The following EPHA3 variants were observed in gnomAD, a reference collection of about 807,000 sequenced individuals.
EPHA3 encodes ephrin type-A receptor 3.
A neutral mutation model predicts 107.1 loss-of-function variants in EPHA3; 42 were observed. That is an observed-to-expected ratio of 0.39 (90% CI 0.31 to 0.51). EPHA3 has a LOEUF of 0.51. Among genes scored for constraint, EPHA3 ranks in the 20% least tolerant of loss-of-function variants. EPHA3 has a pLI of 0.78. For synonymous variants in EPHA3, 461 were observed against 424.8 expected, an observed-to-expected ratio of 1.09 and a Z score of -1.05; for missense variants, 1,183 against 1,211.2, an observed-to-expected ratio of 0.98 and a Z score of 0.35.
chr3:89,142,343 T>A (rs9868838), intron 2 of EPHA3, among the ~76,000 whole-genome samples: 1 of 150,942 alleles, frequency 6.6e-6, no homozygotes, highest in African/African-American at 2.4e-5. Context: ...GGGAGAGGAG[T>A]TATTGTTTAA....
intron 5 of EPHA3, among the ~76,000 whole-genome samples, chr3:89,345,513 A>AC (rs908848599): frequency 4.3e-4 from 65 of 149,432 alleles, no homozygotes; most frequent in African/African-American, 1.4e-3. Context: ...TATCCGTCCC[A>AC]CCCCCATCTC....
At chr3:89,117,700 T>C (rs541344689) in intron 1 of EPHA3, among the ~76,000 whole-genome samples, 1 of 152,174 alleles carries the variant, frequency 6.6e-6, no homozygotes, top group South Asian at 2.1e-4. Flanking sequence ...TTTGACCTCA[T>C]TATGGCATAA....
chr3:89,267,613 A>G (rs1268271076), intron 3 of EPHA3, among the ~76,000 whole-genome samples: 2 of 152,158 alleles, frequency 1.3e-5, no homozygotes, highest in Admixed American at 6.6e-5. Context: ...CATTAAAGGT[A>G]ACGTCTTGGC....
intron 5 of EPHA3, 79 bp downstream of exon 5, chr3:89,342,169 C>T (rs767423508): frequency 3.8e-5 from 50 of 1,316,508 alleles, no homozygotes; most frequent in African/African-American, 1.8e-4. Context: ...GAAAACTGGG[C>T]GGAAGGAAAA....
chr3:89,187,283 A>G (rs1705589536), intron 2 of EPHA3, among the ~76,000 whole-genome samples: 2 of 149,096 alleles, frequency 1.3e-5, no homozygotes, highest in African/African-American at 4.9e-5. Context: ...AATGTATTTA[A>G]TATATGAGTC....
chr3:89,470,739 G>A (rs886365922), intron 15 of EPHA3, among the ~76,000 whole-genome samples: 1 of 152,208 alleles, frequency 6.6e-6, no homozygotes, highest in African/African-American at 2.4e-5. Context: ...ATGGCACAGT[G>A]TACCAGTCAA....
intron 11 of EPHA3, among the ~76,000 whole-genome samples, chr3:89,428,039 T>C (rs1219029320): frequency 1.3e-5 from 2 of 152,028 alleles, no homozygotes; most frequent in East Asian, 1.9e-4. Flanking sequence ...CTTAAGGTCA[T>C]CATTTTAATT....
At chr3:89,220,183 T>A (rs1178592724) in intron 3 of EPHA3, among the ~76,000 whole-genome samples, 2 of 152,150 alleles carry the variant, frequency 1.3e-5, no homozygotes, top group African/African-American at 4.8e-5. Context: ...TCTGGTCTAG[T>A]TTAATCATTG....
In EPHA3 at chr3:89,399,473, T is replaced by C; in HGVS notation, c.1587T>C (p.Ser529=). The C allele has an allele frequency of 6.2e-7, 1 of 1,614,110 alleles. No homozygotes were observed. The highest frequency in any genetic ancestry group is 8.5e-7 in the Non-Finnish European group (1 of 1,180,018). Residue 529 remains serine, a synonymous_variant, in exon 7 of 17, where the codon AGT becomes AGC. Coordinates refer to ENST00000336596, the MANE Select transcript of EPHA3 (RefSeq NM_005233.6). ...TNSRKFEFET[S]PDSFSISGES... is the part of the protein sequence containing the mutation. ...GCCGCAAGTTTGAGTTTGAAACTAG[T>C]CCAGACTGTATGTATTATTTCAATG...
chr3:89,301,111 A>C (rs1449453026), intron 3 of EPHA3, among the ~76,000 whole-genome samples: 1 of 152,102 alleles, frequency 6.6e-6, no homozygotes, highest in Non-Finnish European at 1.5e-5. Context: ...AAAAGAAATG[A>C]CCAAATAAGA....
intron 13 of EPHA3, among the ~76,000 whole-genome samples, chr3:89,435,105 C>T (rs998325282): frequency 6.6e-6 from 1 of 151,764 alleles, no homozygotes; most frequent in Non-Finnish European, 1.5e-5. Context: ...AACAAATATA[C>T]CAAACAGCTA....
chr3:89,421,749 ATGT>A (rs1483136624), intron 11 of EPHA3, among the ~76,000 whole-genome samples: 2 of 151,344 alleles, frequency 1.3e-5, no homozygotes, highest in African/African-American at 2.4e-5. Flanking sequence ...TAAACTATAA[ATGT>A]TGTGGCAAAT....
intron 15 of EPHA3, among the ~76,000 whole-genome samples, chr3:89,454,668 C>T (rs1386744682): frequency 2.0e-5 from 3 of 152,144 alleles, no homozygotes; most frequent in Admixed American, 6.5e-5. Context: ...TCACGTTACA[C>T]TTATAAAAAA....
At chr3:89,356,466 C>T (rs1273040479) in intron 5 of EPHA3, among the ~76,000 whole-genome samples, 2 of 151,180 alleles carry the variant, frequency 1.3e-5, no homozygotes, top group Non-Finnish European at 3.0e-5. Context: ...TAAAAGTGTT[C>T]CTATTTCTCC....
At chr3:89,162,597 C>T (rs1704976301) in intron 2 of EPHA3, among the ~76,000 whole-genome samples, 1 of 152,094 alleles carries the variant, frequency 6.6e-6, no homozygotes, top group South Asian at 2.1e-4. Flanking sequence ...ATTTTGTATG[C>T]TGAATGTTTA....
chr3:89,392,445 A>AAAG (rs1262655275), intron 5 of EPHA3, among the ~76,000 whole-genome samples: 1 of 152,034 alleles, frequency 6.6e-6, no homozygotes, highest in African/African-American at 2.4e-5. Flanking sequence ...TCGAAAAAAA[A>AAAG]AAAACCTAGG....
chr3:89,273,551 A>T (rs1306770619), intron 3 of EPHA3, among the ~76,000 whole-genome samples: 1 of 151,880 alleles, frequency 6.6e-6, no homozygotes, highest in Non-Finnish European at 1.5e-5. Context: ...GCCAAGAGTG[A>T]GAAGATACTC....
At chr3:89,297,363 T>C (rs1706378619) in intron 3 of EPHA3, among the ~76,000 whole-genome samples, 1 of 152,112 alleles carries the variant, frequency 6.6e-6, no homozygotes, top group Non-Finnish European at 1.5e-5. Flanking sequence ...GGGTTATGAA[T>C]TGGGTTAATT....
At chr3:89,238,170 T>A (rs987496032) in intron 3 of EPHA3, among the ~76,000 whole-genome samples, 29 of 152,272 alleles carry the variant, frequency 1.9e-4, no homozygotes, top group African/African-American at 6.7e-4. Flanking sequence ...TTCACCAGTA[T>A]GTTGATTATT....
Sources: gnomAD v4.1 joint callset for allele counts (sites outside exome capture counted in the v4.1 genomes callset) on GRCh38, gnomAD v4.1.1 for gene constraint, MANE v1.5 for transcripts, NCBI Gene and HGNC (gene_info 2026-07-23, HGNC 2026-07-21) for gene names.